ZNF710: variants seen among roughly 807,000 people sequenced by gnomAD.
ZNF710 encodes the protein zinc finger protein 710.
Under a neutral mutation model 50.6 loss-of-function variants are expected in ZNF710, and 13 were observed. The ratio of observed to expected loss-of-function variants is 0.26; its 90% confidence interval spans 0.17 to 0.41. The LOEUF is 0.41. ZNF710 is among the 10% of genes least tolerant of loss of function. ZNF710 has a pLI of 1.00. For missense variants in ZNF710, 721 were observed against 936.6 expected, an observed-to-expected ratio of 0.77 and a Z score of 3.01; for synonymous variants, 383 against 397.0, an observed-to-expected ratio of 0.96 and a Z score of 0.42.
chr15:90,013,927 T>C (rs1218753946), intron 1 of ZNF710, among the ~76,000 whole-genome samples: 1 of 152,206 alleles, frequency 6.6e-6, no homozygotes, highest in Non-Finnish European at 1.5e-5. Flanking sequence ...CCACACTGGA[T>C]TCTGAGCTTT....
intron 1 of ZNF710, among the ~76,000 whole-genome samples, chr15:90,050,010 C>T (rs540813284): frequency 6.6e-6 from 1 of 152,356 alleles, no homozygotes; most frequent in Non-Finnish European, 1.5e-5. Flanking sequence ...CATGGCTTTG[C>T]GCGCTGCTCC....
At chr15:90,055,631 C>T (rs1444075726) in intron 1 of ZNF710, among the ~76,000 whole-genome samples, 4 of 152,230 alleles carry the variant, frequency 2.6e-5, no homozygotes, top group Non-Finnish European at 5.9e-5. Context: ...CAAGGGACAG[C>T]TGCGTGGCAG....
intron 1 of ZNF710, among the ~76,000 whole-genome samples, chr15:90,006,383 T>C (rs988153125): frequency 4.6e-5 from 7 of 152,238 alleles, no homozygotes; most frequent in Non-Finnish European, 8.8e-5. Flanking sequence ...AAACATTACC[T>C]GCCTGCTCCA....
At chr15:90,028,300 G>C (rs980531335) in intron 1 of ZNF710, among the ~76,000 whole-genome samples, 1 of 152,136 alleles carries the variant, frequency 6.6e-6, no homozygotes, top group Admixed American at 6.6e-5. Flanking sequence ...CCCTTCAATA[G>C]TTCCGCATAC....
chr15:90,003,205 C>A (rs1036808884), intron 1 of ZNF710, among the ~76,000 whole-genome samples: 2 of 152,206 alleles, frequency 1.3e-5, no homozygotes, highest in African/African-American at 2.4e-5. Flanking sequence ...GCCGGGCAAT[C>A]CAGTGAGGGA....
intron 1 of ZNF710, among the ~76,000 whole-genome samples, chr15:90,023,221 C>T (rs1393109763): frequency 6.6e-6 from 1 of 152,196 alleles, no homozygotes; most frequent in Non-Finnish European, 1.5e-5. Context: ...AACCACTCTG[C>T]CACCCAGCTC....
At chr15:89,999,900 T>A (rs536221184), upstream of ZNF710, among the ~76,000 whole-genome samples, 164 of 151,166 alleles carry the variant, frequency 1.1e-3, no homozygotes, top group Non-Finnish European at 1.5e-3. Context: ...GCCAAGGAGA[T>A]GCAGCCGGGA....
chr15:90,012,161 C>T (rs780563221), intron 1 of ZNF710, among the ~76,000 whole-genome samples: 3 of 150,774 alleles, frequency 2.0e-5, no homozygotes, highest in Admixed American at 6.6e-5. Context: ...GCTGAGATGG[C>T]GCTACTGCAT....
intron 1 of ZNF710, among the ~76,000 whole-genome samples, chr15:90,041,463 A>T (rs962008246): frequency 2.0e-5 from 3 of 152,122 alleles, no homozygotes; most frequent in African/African-American, 7.2e-5. Flanking sequence ...AAGTGCTGGG[A>T]TTATAGGTAT....
At chr15:90,074,511 A>G (rs1900524929) in intron 4 of ZNF710, 1 of 1,501,176 alleles carries the variant, frequency 6.7e-7, no homozygotes, top group Non-Finnish European at 8.9e-7. Flanking sequence ...CGTAAACAAT[A>G]TAATAAAAAT....
intron 1 of ZNF710, among the ~76,000 whole-genome samples, chr15:90,014,645 G>A (rs1898402142): frequency 6.6e-6 from 1 of 151,652 alleles, no homozygotes; most frequent in Non-Finnish European, 1.5e-5. Flanking sequence ...TTTTAAAAAT[G>A]AACTTGGAGA....
At chr15:90,042,255 G>A (rs1357184024) in intron 1 of ZNF710, among the ~76,000 whole-genome samples, 5 of 151,780 alleles carry the variant, frequency 3.3e-5, no homozygotes, top group South Asian at 2.1e-4. Context: ...TGTTGGGTTC[G>A]GAGGCCCTCC....
At chr15:90,038,585 T>A (rs1861731618) in intron 1 of ZNF710, among the ~76,000 whole-genome samples, 1 of 152,202 alleles carries the variant, frequency 6.6e-6, no homozygotes, top group African/African-American at 2.4e-5. Context: ...CCATTCATAT[T>A]TCCCCAGTTG....
intron 1 of ZNF710, among the ~76,000 whole-genome samples, chr15:90,042,435 A>G (rs1415795032): frequency 6.9e-6 from 1 of 144,790 alleles, no homozygotes; most frequent in Non-Finnish European, 1.5e-5. Flanking sequence ...ATCCCAGCCC[A>G]CACCACTGAG....
At chr15:90,074,065 G>C in intron 3 of ZNF710, 51 bp from the exon 4 acceptor site, 2 of 1,566,218 alleles carry the variant, frequency 1.3e-6, no homozygotes, top group Non-Finnish European at 8.6e-7. Flanking sequence ...GCTGGGGTCC[G>C]GGGAAAGCAG....
intron 1 of ZNF710, among the ~76,000 whole-genome samples, chr15:90,019,644 A>T (rs1898555591): frequency 6.6e-6 from 1 of 152,198 alleles, no homozygotes; most frequent in South Asian, 2.1e-4. Flanking sequence ...ATGGCAAGGA[A>T]GGGCCTGAGA....
chr15:90,041,156 C>T (rs1899284084), intron 1 of ZNF710, among the ~76,000 whole-genome samples: 1 of 151,752 alleles, frequency 6.6e-6, no homozygotes, highest in Admixed American at 6.6e-5. Flanking sequence ...TTTCTAGACA[C>T]CTAGGTATCT....
chr15:90,027,220 T>C (rs538524954), intron 1 of ZNF710, among the ~76,000 whole-genome samples: 4 of 152,236 alleles, frequency 2.6e-5, no homozygotes, highest in African/African-American at 9.6e-5. Context: ...TTCTTCTGTT[T>C]TTTTTTTGGA....
At position 90,067,652 on chromosome 15, in the gene ZNF710, G is replaced by A. The variant is rs749176783; in HGVS notation, c.515G>A (p.Arg172Gln). The A allele has an allele frequency of 1.6e-5, 26 of 1,612,774 alleles. No individual in the cohort carries two copies. Among genetic ancestry groups the A allele is most frequent in the African/African-American group, 4.0e-5 (3 of 74,912 alleles). Residue 172 changes from arginine to glutamine, a missense_variant, in exon 2 of 5, where the codon CGG becomes CAG. This residue lies in a region of ZNF710 where 326 missense variants were observed against 347.1 expected (regional missense o/e 0.94). Coordinates refer to ENST00000268154, the MANE Select transcript of ZNF710 (RefSeq NM_198526.4). This position sits in a 1 kb window ranked among gnomAD's most constrained non-coding sequence, Gnocchi z 8.1. ...SAFSRKPRTLRHLPRTPRPEL... is the reference protein window; with the variant it reads ...SAFSRKPRTLQHLPRTPRPEL... ...TTCAGCCGCAAGCCCCGGACGCTCC[G>A]GCATCTGCCCCGAACCCCGAGGCCG... is the stretch of plus-strand genomic sequence containing the variant.
Sources: allele counts gnomAD v4.1 joint callset (sites outside exome capture counted in the v4.1 genomes callset), GRCh38; gene constraint gnomAD v4.1.1; regional missense constraint gnomAD v4.1.1; non-coding constraint Gnocchi (gnomAD v3.1); transcripts MANE v1.5; gene names NCBI Gene and HGNC (gene_info 2026-07-23, HGNC 2026-07-21).